Variants in CEP170B observed in about 807,000 individuals in gnomAD.
CEP170B encodes centrosomal protein 170B.
Under a neutral mutation model 120.6 loss-of-function variants are expected in CEP170B, and 55 were observed. That is an observed-to-expected ratio of 0.46 (90% CI 0.37 to 0.57). CEP170B has a LOEUF of 0.57. Ranked by LOEUF, CEP170B falls within the 20% of genes least tolerant of loss-of-function variation. CEP170B has a pLI of 0.00. For missense variants in CEP170B, 2,212 were observed against 2,253.3 expected, an observed-to-expected ratio of 0.98 and a Z score of 0.37; for synonymous variants, 1,033 against 954.5, an observed-to-expected ratio of 1.08 and a Z score of -1.52.
rs202094112 is a variant in CEP170B, at chr14:104,894,952, G to C, written c.4659G>C (p.Leu1553=). ...TCCTCCCTGATGCCGAGAGGTTCCTGATCTAGGCCCCAGACCTGGCCAGGC... is the reference window on the plus strand; with the variant it reads ...TCCTCCCTGATGCCGAGAGGTTCCTCATCTAGGCCCCAGACCTGGCCAGGC... The part of the protein sequence containing the change: ...PTFLPDAERF[L]I The change falls in exon 19 of 19, where the codon CTG becomes CTC. Residue 1553 remains leucine (L), a synonymous_variant. Coordinates refer to ENST00000414716, the MANE Select transcript of CEP170B (RefSeq NM_001112726.3). 360 of 1,579,286 alleles carry C rather than the reference G, an allele frequency of 2.3e-4. 2 individuals are homozygous for C. In the African/African-American group the frequency reaches 4.4e-3, roughly 19 times the overall value.
At chr14:104,877,384 C>T (rs1350851180) in intron 3 of CEP170B, among the ~76,000 whole-genome samples, 2 of 152,202 alleles carry the variant, frequency 1.3e-5, no homozygotes, top group African/African-American at 4.8e-5. Flanking sequence ...TGCCCACAGA[C>T]CTGCCTCCCA....
At chr14:104,893,271 C>A in intron 14 of CEP170B, 136 bp downstream of exon 14, 4 of 1,181,182 alleles carry the variant, frequency 3.4e-6, no homozygotes, top group Non-Finnish European at 4.6e-6. Flanking sequence ...AACATGTCCC[C>A]CTGGGTCAGC....
chr14:104,872,317 GC>G (rs1377227356), intron 2 of CEP170B, among the ~76,000 whole-genome samples: 4 of 77,200 alleles, frequency 5.2e-5, no homozygotes, highest in South Asian at 4.5e-4. Context: ...GTGCGTGTGT[GC>G]CGTGGGTGTG....
Position 104,886,833 on chromosome 14 carries a change from G to T in CEP170B, c.2594G>T (p.Arg865Leu). Reference sequence around the variant, plus strand: ...GACGGCCCTGCCCCAGCCTTTCTCCGGCAAGAGAGCTTCACTAAGGAGCCA... The same window carrying T: ...GACGGCCCTGCCCCAGCCTTTCTCCTGCAAGAGAGCTTCACTAAGGAGCCA... ...EPDGPAPAFL[R>L]QESFTKEPAS... The change falls in exon 12 of 19, where the codon CGG becomes CTG. Residue 865 changes from arginine (R) to leucine (L), a missense_variant. Arg to Leu is a moderately radical substitution (Grantham distance 102). Transcript: ENST00000414716. 6.2e-7 allele frequency: 1 copy of T among 1,611,064 alleles called. No homozygotes were observed. Among genetic ancestry groups the T allele is most frequent in the Non-Finnish European group, 8.5e-7 (1 of 1,179,826 alleles).
intron 2 of CEP170B, among the ~76,000 whole-genome samples, chr14:104,875,003 C>T (rs1005588988): frequency 3.3e-5 from 5 of 152,224 alleles, no homozygotes; most frequent in Non-Finnish European, 7.3e-5. Context: ...AGGAAGGAGG[C>T]CCTGCCCTGA....
chr14:104,886,922 C>G lies in CEP170B; in HGVS notation c.2683C>G (p.Leu895Val), dbSNP rs779292100. ...CTCCAGCCACCCGCTTCTACAGGAC[C>G]TGGCCGCTACCCGGGCCGCACGCAT... ...HISSHPLLQDLAATRAARMDF... is the reference protein window; with the variant it reads ...HISSHPLLQDVAATRAARMDF... The change falls in exon 12 of 19, where the codon CTG becomes GTG. Residue 895 changes from leucine (L) to valine (V), a missense_variant. Leu to Val is a conservative substitution (Grantham distance 32, BLOSUM62 1). Transcript: ENST00000414716. 1 of 1,609,758 alleles carries G rather than the reference C, an allele frequency of 6.2e-7. No homozygotes were observed. The highest frequency in any genetic ancestry group is 1.1e-5 in the South Asian group (1 of 91,080).
Position 104,883,029 on chromosome 14 carries a change from C to T in CEP170B, c.578-6C>T. 1 of 1,506,526 alleles carries T rather than the reference C, an allele frequency of 6.6e-7. No homozygotes were observed. Among genetic ancestry groups the T allele is most frequent in the East Asian group, 2.4e-5 (1 of 40,844 alleles). 93.3% of individuals were successfully genotyped at this position (1,506,526 alleles called of 1,614,324 possible). On this transcript the variant is annotated splice_polypyrimidine_tract_variant and splice_region_variant and intron_variant, in intron 7 of 18. Transcript: ENST00000414716. The stretch of plus-strand genomic sequence containing the variant: ...GGCCCGGTCTGAAGACATCTTCCCA[C>T]ACCAGAGCGCCCCAAGGGACCAGTG...
rs1897018371 is a variant in CEP170B at position 104,895,039 on chromosome 14, C to T, written c.*81C>T. 1 of 1,429,196 alleles carries T rather than the reference C, an allele frequency of 7.0e-7. No homozygotes were observed. The highest frequency in any genetic ancestry group is 9.3e-7 in the Non-Finnish European group (1 of 1,078,018). 88.5% of individuals were successfully genotyped at this position (1,429,196 alleles called of 1,614,324 possible). On this transcript the variant is annotated 3_prime_UTR_variant, in exon 19 of 19. Coordinates refer to ENST00000414716, the MANE Select transcript of CEP170B (RefSeq NM_001112726.3). ...CGCCGCACACCCGCCTGCCTGGCCG[C>T]AGGTGGTTCTCCCTGAAGACCCCCA...
intron 2 of CEP170B, among the ~76,000 whole-genome samples, chr14:104,871,176 G>A (rs1201845012): frequency 6.6e-6 from 1 of 152,182 alleles, no homozygotes; most frequent in African/African-American, 2.4e-5. Flanking sequence ...CTGCTTCCCC[G>A]AGGCCCTATC....
intron 13 of CEP170B, among the ~76,000 whole-genome samples, 165 bp from the exon 14 acceptor site, chr14:104,892,811 C>T (rs2140754290): frequency 6.6e-6 from 1 of 152,374 alleles, no homozygotes; most frequent in African/African-American, 2.4e-5. Context: ...GCCTGTGTAA[C>T]CAGTGGCTAG....
rs1027510134 is a variant in CEP170B at position 104,891,157 on chromosome 14, C to T, written c.3878+1399C>T. On this transcript the variant is annotated intron_variant, in intron 13 of 18. Transcript: ENST00000414716. The surrounding 1 kb of genome is among the most constrained non-coding windows in gnomAD (Gnocchi z 4.3). ...GGTGAGACCGCCAGTACAAGGAGGGCCTCCTCAAAGGTTTTCATTAGAAAT... is the reference window on the plus strand; with the variant it reads ...GGTGAGACCGCCAGTACAAGGAGGGTCTCCTCAAAGGTTTTCATTAGAAAT... Among the ~76,000 whole-genome samples, 1 of 151,990 alleles carries T rather than the reference C, an allele frequency of 6.6e-6. No individual in the cohort carries two copies. The highest frequency in any genetic ancestry group is 2.4e-5 in the African/African-American group (1 of 41,358).
chr14:104,878,583 C>T, intron 5 of CEP170B, 82 bp downstream of exon 5: 2 of 1,474,454 alleles, frequency 1.4e-6, no homozygotes, highest in Non-Finnish European at 1.9e-6. Context: ...CTGCCATCTC[C>T]CCAGCAAACA....
At chr14:104,882,470 A>G (rs1176594725) in intron 6 of CEP170B, among the ~76,000 whole-genome samples, 1 of 149,604 alleles carries the variant, frequency 6.7e-6, no homozygotes, top group African/African-American at 2.5e-5. Context: ...GGCAGGGAGG[A>G]GGGGCCAGGC....
Position 104,872,474 on chromosome 14 carries a change from T to G in CEP170B, c.106-3782T>G, listed in dbSNP as rs55736834. On this transcript the variant is annotated intron_variant, in intron 2 of 18. Transcript: ENST00000414716. ...TGTGTGTGCGTGTGGGTGTGCCGTG[T>G]GTGTGCGTGTGTGCCGTGTGTGTGT... is the stretch of plus-strand genomic sequence containing the variant. Among the ~76,000 whole-genome samples the G allele has an allele frequency of 1.5e-4, 16 of 104,652 alleles. 2 individuals are homozygous for G. Among genetic ancestry groups the G allele is most frequent in the Admixed American group, 4.0e-4 (4 of 10,038 alleles). 68.7% of individuals were successfully genotyped at this position (104,652 alleles called of 152,430 possible).
chr14:104,873,224 G>A (rs896977013), intron 2 of CEP170B, among the ~76,000 whole-genome samples: 1 of 150,926 alleles, frequency 6.6e-6, no homozygotes, highest in Non-Finnish European at 1.5e-5. Context: ...GGGCAGCTGG[G>A]CTCGGGGTGT....
At chr14:104,874,031 C>T (rs895664463) in intron 2 of CEP170B, among the ~76,000 whole-genome samples, 4 of 152,172 alleles carry the variant, frequency 2.6e-5, no homozygotes, top group African/African-American at 7.2e-5. Context: ...TTCCAGGCTG[C>T]ACTCTCAGGC....
At chr14:104,893,232 C>A in intron 14 of CEP170B, 97 bp downstream of exon 14, 2 of 1,338,054 alleles carry the variant, frequency 1.5e-6, no homozygotes, top group Non-Finnish European at 2.0e-6. Flanking sequence ...GGCTGAGGCC[C>A]TGCTGCACAT....
At chr14:104,865,147 G>C (rs1314546503), upstream of CEP170B, 1 of 148,810 alleles carries the variant, frequency 6.7e-6, no homozygotes, top group Non-Finnish European at 1.5e-5. The surrounding 1 kb of genome is among the most constrained non-coding windows in gnomAD (Gnocchi z 6.7). Flanking sequence ...TGGCGGCCGC[G>C]GACCCGCCCT....
rs758162711 is a variant in CEP170B at position 104,886,793 on chromosome 14, C to T, written c.2554C>T (p.Arg852Trp). 1.3e-5 allele frequency: 21 copies of T among 1,611,384 alleles called. No individual in the cohort carries two copies. The highest frequency in any genetic ancestry group is 4.5e-5 in the East Asian group (2 of 44,892). ...GRMVIQLRPG[R>W]SPEPDGPAPA... ...AATGGTCATCCAGCTACGGCCTGGA[C>T]GGTCCCCAGAACCCGACGGCCCTGC... is the stretch of plus-strand genomic sequence containing the variant. Residue 852 changes from arginine (R) to tryptophan (W), a missense_variant, in exon 12 of 19, where the codon CGG becomes TGG. Physicochemically the swap from Arg to Trp is moderately radical, Grantham distance 101. This residue lies in a region of CEP170B where 2,166 missense variants were observed against 2,166.7 expected (regional missense o/e 1.00). Transcript: ENST00000414716.
Sources: allele counts gnomAD v4.1 joint callset (sites outside exome capture counted in the v4.1 genomes callset), GRCh38; gene constraint gnomAD v4.1.1; regional missense constraint gnomAD v4.1.1; non-coding constraint Gnocchi (gnomAD v3.1); transcripts MANE v1.5; gene names NCBI Gene and HGNC (gene_info 2026-07-23, HGNC 2026-07-21).